Variants in CUX2 observed in about 807,000 individuals in gnomAD.
The protein encoded by CUX2 is homeobox protein cut-like 2.
A neutral mutation model predicts 144.8 loss-of-function variants in CUX2; 40 were observed. The ratio of observed to expected loss-of-function variants is 0.28; its 90% CI spans 0.21 to 0.36. The LOEUF (loss-of-function observed/expected upper bound fraction) is 0.36. Ranked by LOEUF, CUX2 falls within the 10% of genes least tolerant of loss-of-function variation. The probability of loss-of-function intolerance (pLI) is 1.00; values close to 1 mark genes in which losing one functional copy is unlikely to be tolerated. For missense variants in CUX2, 1,615 were observed against 1,994.0 expected (o/e 0.81, Z 3.62); for synonymous variants, 827 against 875.6 (o/e 0.94, Z 0.98).
At chr12:111,337,617 T>C (rs937844476) in intron 19 of CUX2, among the ~76,000 whole-genome samples, 4 of 152,236 alleles carry the variant, frequency 2.6e-5, no homozygotes, top group African/African-American at 9.6e-5. Context: ...TCCGAAGCTG[T>C]GCACATTTAA....
At chr12:111,268,777 T>C (rs1224765954) in intron 4 of CUX2, among the ~76,000 whole-genome samples, 1 of 152,196 alleles carries the variant, frequency 6.6e-6, no homozygotes, top group African/African-American at 2.4e-5. Context: ...ATCAGTGATA[T>C]CTAGAAAAAG....
At chr12:111,196,285 T>C (rs546719721) in intron 1 of CUX2, among the ~76,000 whole-genome samples, 273 of 152,370 alleles carry the variant, frequency 1.8e-3, no homozygotes, top group Admixed American at 4.6e-3. Context: ...TTTGTACTTT[T>C]TGGCTGTTGT....
chr12:111,103,496 C>T (rs576321836), intron 1 of CUX2, among the ~76,000 whole-genome samples: 15 of 152,246 alleles, frequency 9.9e-5, no homozygotes, highest in African/African-American at 3.6e-4. Context: ...GTGAGGGAAA[C>T]TTCATTCATT....
intron 1 of CUX2, among the ~76,000 whole-genome samples, chr12:111,085,057 G>A (rs1435838812): frequency 6.6e-6 from 1 of 152,180 alleles, no homozygotes; most frequent in African/African-American, 2.4e-5. Flanking sequence ...CCTCCGTGGA[G>A]CTGACCTTCT....
chr12:111,283,267 G>C (rs1439417363), intron 4 of CUX2, among the ~76,000 whole-genome samples: 1 of 152,060 alleles, frequency 6.6e-6, no homozygotes, highest in Non-Finnish European at 1.5e-5. Flanking sequence ...GGGCAGGTTA[G>C]GCCTTCAGGA....
intron 1 of CUX2, among the ~76,000 whole-genome samples, chr12:111,053,389 GC>G (rs1330286801): frequency 6.6e-6 from 1 of 152,170 alleles, no homozygotes; most frequent in Non-Finnish European, 1.5e-5. Flanking sequence ...TCTAGTGAAA[GC>G]AAAATCCTAA....
chr12:111,204,077 G>A (rs147021091), intron 1 of CUX2, among the ~76,000 whole-genome samples: 24 of 152,260 alleles, frequency 1.6e-4, no homozygotes, highest in African/African-American at 2.2e-4. Context: ...CCAGCCTGTC[G>A]TCCTGCCAGT....
At chr12:111,127,794 A>T (rs1000832254) in intron 1 of CUX2, among the ~76,000 whole-genome samples, 3 of 152,186 alleles carry the variant, frequency 2.0e-5, no homozygotes, top group African/African-American at 7.2e-5. Context: ...AGGCCTCACA[A>T]TCATGGCAGA....
At chr12:111,082,227 G>A (rs1592874318) in intron 1 of CUX2, among the ~76,000 whole-genome samples, 1 of 152,312 alleles carries the variant, frequency 6.6e-6, no homozygotes, top group South Asian at 2.1e-4. Context: ...TCATGTTGTG[G>A]ACAGAGCAAT....
chr12:111,049,723 A>G (rs1022123517), intron 1 of CUX2, among the ~76,000 whole-genome samples: 3 of 152,188 alleles, frequency 2.0e-5, no homozygotes, highest in African/African-American at 7.2e-5. Flanking sequence ...CACCACAGGA[A>G]CCATGGTCAC....
At position 111,308,546 on chromosome 12, in the gene CUX2, T is replaced by C; in HGVS notation, c.1258+20T>C. 2 of 1,592,240 alleles carry C rather than the reference T, an allele frequency of 1.3e-6. No individual in the cohort carries two copies. The highest frequency in any genetic ancestry group is 1.8e-5 in the Admixed American group (1 of 56,922). On this transcript the variant is annotated intron_variant, in intron 14 of 21. Coordinates refer to ENST00000261726, the MANE Select transcript of CUX2 (RefSeq NM_015267.4). ...GCCCTGGTAGGGGAGGAGGATACTC[T>C]GGGGCTGAGGGCTGGGGCGGGGGCT...
At chr12:111,182,904 G>T (rs574165761) in intron 1 of CUX2, among the ~76,000 whole-genome samples, 1 of 152,124 alleles carries the variant, frequency 6.6e-6, no homozygotes, top group Non-Finnish European at 1.5e-5. Context: ...GGCCAGTCTC[G>T]TTCAATAATC....
chr12:111,058,751 G>T (rs1265369791), intron 1 of CUX2, among the ~76,000 whole-genome samples: 1 of 152,114 alleles, frequency 6.6e-6, no homozygotes, highest in Non-Finnish European at 1.5e-5. Flanking sequence ...AGAATTCAGG[G>T]AGAGACCGCA....
chr12:111,318,261 T>C (rs1445647243), intron 16 of CUX2, among the ~76,000 whole-genome samples: 6 of 137,716 alleles, frequency 4.4e-5, no homozygotes, highest in East Asian at 2.6e-4. Context: ...TTTTTTTTTT[T>C]CACTTTTTTG....
At chr12:111,321,475 A>G (rs1266993445) in intron 17 of CUX2, among the ~76,000 whole-genome samples, 1 of 148,588 alleles carries the variant, frequency 6.7e-6, no homozygotes, top group Non-Finnish European at 1.5e-5. Context: ...TCTCAAAAGA[A>G]AAAAAAAAAA....
At position 111,338,275 on chromosome 12, in the gene CUX2, C is replaced by G. The variant is rs775764364; in HGVS notation, c.3197-11C>G. The G allele has an allele frequency of 6.3e-6, 10 of 1,597,314 alleles. No homozygotes were observed. The South Asian group carries it at 1.1e-4, about 18-fold the overall frequency. On this transcript the variant is annotated splice_polypyrimidine_tract_variant and intron_variant, in intron 19 of 21. Coordinates refer to ENST00000261726, the MANE Select transcript of CUX2 (RefSeq NM_015267.4). Reference sequence around the variant, plus strand: ...CTCGGGTAACAGATTGCTCCCCTCCCCTATCCCCAGGGCAGCGGCTGTTTG... The same window carrying G: ...CTCGGGTAACAGATTGCTCCCCTCCGCTATCCCCAGGGCAGCGGCTGTTTG...
chr12:111,192,236 T>C (rs946654596), intron 1 of CUX2, among the ~76,000 whole-genome samples: 30 of 152,158 alleles, frequency 2.0e-4, no homozygotes, highest in African/African-American at 7.2e-4. Context: ...AAGTGATTCT[T>C]CTGCCTCAGC....
Position 111,035,756 on chromosome 12 carries a change from C to G in CUX2, c.63+1516C>G, listed in dbSNP as rs370073107. ...CCCCACTCCTCGCTCTCCCCCTCCC[C>G]CAAAGCCATTGAGCTGGGGAGAAAA... On this transcript the variant is annotated intron_variant, in intron 1 of 21. Coordinates refer to ENST00000261726, the MANE Select transcript of CUX2 (RefSeq NM_015267.4). This position sits in a 1 kb window ranked among gnomAD's most constrained non-coding sequence, Gnocchi z 6.0. Among the ~76,000 whole-genome samples, 1 of 152,252 alleles carries G rather than the reference C, an allele frequency of 6.6e-6. No homozygotes were observed.
rs1397763469 is a variant in CUX2 at position 111,285,033 on chromosome 12, C to T, written c.302-6385C>T. Among the ~76,000 whole-genome samples the T allele has an allele frequency of 1.3e-5, 2 of 152,118 alleles. 1 individual carries two copies. The highest frequency in any genetic ancestry group is 2.9e-5 in the Non-Finnish European group (2 of 68,016). On this transcript the variant is annotated intron_variant, in intron 4 of 21. Transcript: ENST00000261726. The stretch of plus-strand genomic sequence containing the variant: ...TCTCCCCCAAACCTGTGACGACGTC[C>T]GGGAAAGCCCAGGGTACACCTGGCC...
Sources: allele counts gnomAD v4.1 joint callset (sites outside exome capture counted in the v4.1 genomes callset), GRCh38; gene constraint gnomAD v4.1.1; non-coding constraint Gnocchi (gnomAD v3.1); transcripts MANE v1.5; gene names NCBI Gene and HGNC (gene_info 2026-07-23, HGNC 2026-07-21).